D2HGDH: variants seen among roughly 807,000 people sequenced by gnomAD.
The protein encoded by D2HGDH is D-2-hydroxyglutarate dehydrogenase, also known as D-2-hydroxyglutarate dehydrogenase, mitochondrial.
In D2HGDH, 31 loss-of-function variants were observed where a neutral mutation model predicts 46.9. That is an observed-to-expected ratio of 0.66 (90% CI 0.50 to 0.89). D2HGDH has a LOEUF of 0.89. D2HGDH is among the 40% of genes least tolerant of loss of function. D2HGDH has a pLI of 0.00. For synonymous variants in D2HGDH, 364 were observed against 332.6 expected (o/e 1.09, Z -1.03); for missense variants, 698 against 720.8 (o/e 0.97, Z 0.36).
In D2HGDH at chr2:241,735,234, C is replaced by T. The variant is rs936754196; in HGVS notation, c.10C>T (p.Arg4Cys). 2.0e-6 allele frequency: 3 copies of T among 1,514,234 alleles called. No individual in the cohort carries two copies. The highest frequency in any genetic ancestry group is 2.1e-5 in the Admixed American group (1 of 48,418). The allele number at this position is 1,514,234 out of a possible 1,614,324, so 93.8% of individuals were successfully genotyped here. The change falls in exon 2 of 10, where the codon CGT becomes TGT. Residue 4 changes from arginine (R) to cysteine (C), a missense_variant. Physicochemically the swap from Arg to Cys is radical, Grantham distance 180. Coordinates refer to ENST00000321264, the MANE Select transcript of D2HGDH (RefSeq NM_152783.5). The stretch of plus-strand genomic sequence containing the variant: ...CTCCGTCCCGGCGGCGATGCTGCCC[C>T]GTCGGCCTCTGGCGTGGCCCGCGTG... Reference protein sequence around the residue: MLPRRPLAWPAWLL... With the variant: MLPCRPLAWPAWLL...
chr2:241,740,450 TC>T (rs1694128861), intron 2 of D2HGDH, among the ~76,000 whole-genome samples: 2 of 152,208 alleles, frequency 1.3e-5, no homozygotes, highest in East Asian at 3.9e-4. Flanking sequence ...GGGACTCTCA[TC>T]CATGGGCCCA....
At chr2:241,747,391 G>GGTTTGC (rs1178762337) in intron 6 of D2HGDH, among the ~76,000 whole-genome samples, 1 of 103,144 alleles carries the variant, frequency 9.7e-6, no homozygotes, top group Non-Finnish European at 1.8e-5. Flanking sequence ...CTCCAGAGAG[G>GGTTTGC]GTTTGCTTTT....
chr2:241,743,507 G>T lies in D2HGDH; in HGVS notation c.491-115G>T, dbSNP rs370555529. On this transcript the variant is annotated intron_variant, in intron 4 of 9. Coordinates refer to ENST00000321264, the MANE Select transcript of D2HGDH (RefSeq NM_152783.5). This position sits in a 1 kb window ranked among gnomAD's most constrained non-coding sequence, Gnocchi z 4.8. ...GGTGCCTCTTCTCCTCAGCCCTGGC[G>T]CTGAGGCTGATGTTCCTTCTGGGTG... 2.8e-5 allele frequency: 35 copies of T among 1,231,032 alleles called. No individual in the cohort carries two copies. The highest frequency in any genetic ancestry group is 2.3e-4 in the East Asian group (9 of 39,438). 76.3% of individuals were successfully genotyped at this position (1,231,032 alleles called of 1,614,324 possible).
intron 8 of D2HGDH, chr2:241,755,131 C>G: frequency 7.7e-7 from 1 of 1,304,124 alleles, no homozygotes; most frequent in African/African-American, 1.5e-5. Flanking sequence ...CCCGGTTCTG[C>G]TTCAGCCACC....
At chr2:241,756,035 G>C (rs757678316) in intron 9 of D2HGDH, 21 bp downstream of exon 9, 2 of 1,587,058 alleles carry the variant, frequency 1.3e-6, no homozygotes, top group South Asian at 2.2e-5. Context: ...CCCCGGGGCC[G>C]CGGCCCTGTG....
chr2:241,755,676 T>C (rs1412909956), intron 8 of D2HGDH, 173 bp from the exon 9 acceptor site: 1 of 1,547,238 alleles, frequency 6.5e-7, no homozygotes, highest in East Asian at 2.4e-5. Flanking sequence ...TCTGGGACAT[T>C]CGCTGTCTGG....
chr2:241,768,443 C>T lies in D2HGDH; in HGVS notation c.*474C>T, dbSNP rs570372209. On this transcript the variant is annotated 3_prime_UTR_variant, in exon 10 of 10. Transcript: ENST00000321264. ...CGGGCAGGACCACGTGGGCCGTGAT[C>T]GTGGGTTGCCGAGAGGACCTGAGCG... 67 of 166,266 alleles carry T rather than the reference C, an allele frequency of 4.0e-4. No individual in the cohort carries two copies. In the South Asian group the frequency reaches 7.7e-3, roughly 19 times the overall value. 10.3% of individuals were successfully genotyped at this position (166,266 alleles called of 1,614,324 possible).
chr2:241,754,985 A>G, intron 8 of D2HGDH: 1 of 1,246,476 alleles, frequency 8.0e-7, no homozygotes, highest in African/African-American at 1.5e-5. Flanking sequence ...AGGACCCTGC[A>G]GGGGAGAGGT....
chr2:241,760,915 T>C (rs542713403), intron 9 of D2HGDH, among the ~76,000 whole-genome samples: 1 of 152,366 alleles, frequency 6.6e-6, no homozygotes, highest in Admixed American at 6.5e-5. Flanking sequence ...TCAGTGTGTC[T>C]CTCCATCTTT....
At chr2:241,749,755 C>T in intron 6 of D2HGDH, 1 of 344,448 alleles carries the variant, frequency 2.9e-6, no homozygotes, top group South Asian at 2.3e-5. Flanking sequence ...GGTGGTGACA[C>T]CAGGCGTGCA....
At chr2:241,744,659 T>C (rs775628902) in intron 5 of D2HGDH, 50 bp from the exon 6 acceptor site, 1 of 1,613,458 alleles carries the variant, frequency 6.2e-7, no homozygotes, top group East Asian at 2.2e-5. Context: ...GCGACCGACG[T>C]CTTGTCAGGA....
At position 241,743,789 on chromosome 2, in the gene D2HGDH, C is replaced by T. The variant is rs944349545; in HGVS notation, c.658C>T (p.His220Tyr). 2 of 1,606,758 alleles carry T rather than the reference C, an allele frequency of 1.2e-6. No individual in the cohort carries two copies. The highest frequency in any genetic ancestry group is 1.7e-6 in the Non-Finnish European group (2 of 1,177,080). ...GCGGTTTCTTCGATATGGCTCACTGCATGGGACTGTCCTGGGCCTGGAAGT... is the reference window on the plus strand; with the variant it reads ...GCGGTTTCTTCGATATGGCTCACTGTATGGGACTGTCCTGGGCCTGGAAGT... Reference protein sequence around the residue: ...GLRFLRYGSLHGTVLGLEVVL... With the variant: ...GLRFLRYGSLYGTVLGLEVVL... Residue 220 changes from histidine to tyrosine, a missense_variant, in exon 5 of 10, where the codon CAT becomes TAT. By Grantham distance (83) the His-to-Tyr change is moderately conservative (BLOSUM62 2). Coordinates refer to ENST00000321264, the MANE Select transcript of D2HGDH (RefSeq NM_152783.5). The surrounding 1 kb of genome is among the most constrained non-coding windows in gnomAD (Gnocchi z 4.8).
In D2HGDH at chr2:241,742,604, G is replaced by T; in HGVS notation, c.490+30G>T. The T allele has an allele frequency of 6.2e-7, 1 of 1,613,882 alleles. No individual in the cohort carries two copies. The highest frequency in any genetic ancestry group is 1.7e-5 in the Admixed American group (1 of 60,030). ...GCCTGTGCCACCCGTCGGGGCCCAG[G>T]AGTCCCTCCTGGTGCTGGTGGAGTT... is the stretch of plus-strand genomic sequence containing the variant. On this transcript the variant is annotated intron_variant, in intron 4 of 9. Coordinates refer to ENST00000321264, the MANE Select transcript of D2HGDH (RefSeq NM_152783.5). The surrounding 1 kb of genome is among the most constrained non-coding windows in gnomAD (Gnocchi z 4.8).
chr2:241,758,215 G>A (rs953323683), intron 9 of D2HGDH, among the ~76,000 whole-genome samples: 1 of 152,130 alleles, frequency 6.6e-6, no homozygotes, highest in South Asian at 2.1e-4. Context: ...TCTGTTCCAC[G>A]CTGTTCCTTT....
chr2:241,755,739 C>G (rs1487322549), intron 8 of D2HGDH, 110 bp from the exon 9 acceptor site: 2 of 1,607,608 alleles, frequency 1.2e-6, no homozygotes, highest in Non-Finnish European at 1.7e-6. Context: ...CGGAGCCTCA[C>G]CTGGTGAAGA....
chr2:241,743,932 C>T lies in D2HGDH; in HGVS notation c.684+117C>T. ...CCCCTCGGGGTGGGAGGTCTTGGTT[C>T]CTGGCCCTGGGCCCCTCAAGGATGT... On this transcript the variant is annotated intron_variant, in intron 5 of 9. Coordinates refer to ENST00000321264, the MANE Select transcript of D2HGDH (RefSeq NM_152783.5). The surrounding 1 kb of genome is among the most constrained non-coding windows in gnomAD (Gnocchi z 4.8). 8.5e-7 allele frequency: 1 copy of T among 1,178,636 alleles called. No homozygotes were observed. The highest frequency in any genetic ancestry group is 2.6e-5 in the East Asian group (1 of 38,900). 73.0% of individuals were successfully genotyped at this position (1,178,636 alleles called of 1,614,324 possible).
Position 241,767,896 on chromosome 2 carries a change from T to A in D2HGDH, c.1493T>A (p.Met498Lys), listed in dbSNP as rs1699285485. 6.2e-7 allele frequency: 1 copy of A among 1,606,216 alleles called. No individual in the cohort carries two copies. Among genetic ancestry groups the A allele is most frequent in the Non-Finnish European group, 8.5e-7 (1 of 1,176,970 alleles). Residue 498 changes from methionine to lysine, a missense_variant, in exon 10 of 10, where the codon ATG becomes AAG. Coordinates refer to ENST00000321264, the MANE Select transcript of D2HGDH (RefSeq NM_152783.5). ...AAGCCACCGGGGGCCCTGCAGCTCATGCAGCAGCTCAAGGCCCTGCTGGAC... is the reference window on the plus strand; with the variant it reads ...AAGCCACCGGGGGCCCTGCAGCTCAAGCAGCAGCTCAAGGCCCTGCTGGAC... ...YSKPPGALQL[M>K]QQLKALLDPK... is the part of the protein sequence containing the mutation.
chr2:241,752,575 G>A (rs912405629), intron 8 of D2HGDH, among the ~76,000 whole-genome samples: 6 of 152,028 alleles, frequency 3.9e-5, no homozygotes, highest in Non-Finnish European at 7.4e-5. Flanking sequence ...CCAGGGGCCC[G>A]GGCTGAGGCA....
Position 241,767,950 on chromosome 2 carries a change from C to T in D2HGDH, c.1547C>T (p.Thr516Met), listed in dbSNP as rs762019434. ...AAGGGCATCCTCAACCCCTACAAGA[C>T]GCTGCCCAGCCAGGCCTGACGGCCA... is the stretch of plus-strand genomic sequence containing the variant. Reference protein sequence around the residue: ...DPKGILNPYKTLPSQA With the variant: ...DPKGILNPYKMLPSQA The change falls in exon 10 of 10, where the codon ACG (threonine) becomes ATG (methionine). Residue 516 changes from threonine (T) to methionine (M), a missense_variant. Transcript: ENST00000321264. The T allele has an allele frequency of 6.5e-5, 104 of 1,594,916 alleles. No individual in the cohort carries two copies. In the Middle Eastern group the frequency reaches 7.2e-4, roughly 11 times the overall value.
Sources: allele counts gnomAD v4.1 joint callset (sites outside exome capture counted in the v4.1 genomes callset), GRCh38; gene constraint gnomAD v4.1.1; non-coding constraint Gnocchi (gnomAD v3.1); transcripts MANE v1.5; gene names NCBI Gene and HGNC (gene_info 2026-07-23, HGNC 2026-07-21).